The following MON1B variants were observed in gnomAD, a reference collection of about 807,000 sequenced individuals.
MON1B encodes MON1 vesicular trafficking associated B, also known as vacuolar fusion protein MON1 homolog B.
In MON1B, 26 loss-of-function variants were observed where a neutral mutation model predicts 45.1. The ratio of observed to expected loss-of-function variants is 0.58; its 90% CI spans 0.42 to 0.80. MON1B has a LOEUF of 0.80. MON1B is among the 30% of genes least tolerant of loss of function. The pLI, the probability that MON1B is intolerant of heterozygous loss-of-function variation, is 0.00. For missense variants in MON1B, 737 were observed against 754.5 expected (o/e 0.98, Z 0.27); for synonymous variants, 395 against 320.2 (o/e 1.23, Z -2.49).
rs371508450 is a variant in MON1B at position 77,195,110 on chromosome 16, G to A, written c.1251G>A (p.Pro417=). 61 of 1,599,970 alleles carry A rather than the reference G, an allele frequency of 3.8e-5. No homozygotes were observed. Among genetic ancestry groups the A allele is most frequent in the Middle Eastern group, 1.7e-4 (1 of 6,030 alleles). ...APGLRHFLYK[P]LDIPDHHRQL... ...GCCTCCGGCACTTCCTGTATAAGCCGCTGGACATCCCTGACCACCACCGCC... is the reference window on the plus strand; with the variant it reads ...GCCTCCGGCACTTCCTGTATAAGCCACTGGACATCCCTGACCACCACCGCC... Residue 417 remains proline, a synonymous_variant, in exon 4 of 6, where the codon CCG becomes CCA. Transcript: ENST00000248248.
In MON1B at chr16:77,194,780, G is replaced by C. The variant is rs937610812; in HGVS notation, c.921G>C (p.Leu307=). Residue 307 remains leucine, a synonymous_variant, in exon 4 of 6, where the codon CTG becomes CTC. Transcript: ENST00000248248. This position sits in a 1 kb window ranked among gnomAD's most constrained non-coding sequence, Gnocchi z 8.1. Reference sequence around the variant, plus strand: ...TGGACCCAGCTGACCTGCAGTTGCTGCTCGACTGGGTGGGTGCACCAGCCT... The same window carrying C: ...TGGACCCAGCTGACCTGCAGTTGCTCCTCGACTGGGTGGGTGCACCAGCCT... ...CRLDPADLQL[L]LDWVGAPAFA... 6.8e-6 allele frequency: 11 copies of C among 1,613,738 alleles called. No homozygotes were observed. The highest frequency in any genetic ancestry group is 8.5e-6 in the Non-Finnish European group (10 of 1,180,006).
chr16:77,194,634 G>C lies in MON1B; in HGVS notation c.775G>C (p.Asp259His). Residue 259 changes from aspartate (D) to histidine (H), a missense_variant, in exon 4 of 6, where the codon GAC (aspartate) becomes CAC (histidine). Physicochemically the swap from Asp to His is moderately conservative, Grantham distance 81. Transcript: ENST00000248248. The surrounding 1 kb of genome is among the most constrained non-coding windows in gnomAD (Gnocchi z 8.1). ...TGTGCCCCTTGCCCGCCCGCTGCGA[G>C]ACGCACTAGGTGCGCTCCTCCGACG... is the stretch of plus-strand genomic sequence containing the variant. ...RCVPLARPLR[D>H]ALGALLRRCT... is the part of the protein sequence containing the mutation. 2 of 1,613,820 alleles carry C rather than the reference G, an allele frequency of 1.2e-6. No homozygotes were observed. The highest frequency in any genetic ancestry group is 1.7e-6 in the Non-Finnish European group (2 of 1,179,922).
chr16:77,192,150 A>C (rs1358682235), intron 2 of MON1B, among the ~76,000 whole-genome samples: 1 of 152,178 alleles, frequency 6.6e-6, no homozygotes, highest in African/African-American at 2.4e-5. Flanking sequence ...AAAGTTGTTC[A>C]TTTGAGATTT....
In MON1B at chr16:77,199,288, C is replaced by T. The variant is rs570238995; in HGVS notation, c.*980C>T. On this transcript the variant is annotated 3_prime_UTR_variant, in exon 6 of 6. Coordinates refer to ENST00000248248, the MANE Select transcript of MON1B (RefSeq NM_014940.4). ...AGGTTGTAGCATGTGTGCTGGCAAT[C>T]AGGGCCGCAGTGTGTTCTGCGCCTG... The T allele has an allele frequency of 3.2e-5, 20 of 630,408 alleles. No homozygotes were observed. The highest frequency in any genetic ancestry group is 3.7e-5 in the African/African-American group (2 of 53,514). The allele number at this position is 630,408 out of a possible 1,614,324, so 39.1% of individuals were successfully genotyped here. A position where few individuals can be genotyped will look rare whatever the true frequency, so the allele number is the denominator to read the frequency against.
chr16:77,192,121 C>T (rs1217935311), intron 2 of MON1B, among the ~76,000 whole-genome samples: 1 of 152,016 alleles, frequency 6.6e-6, no homozygotes, highest in Non-Finnish European at 1.5e-5. Flanking sequence ...TTTAAGGGAC[C>T]AAATGTTAGT....
Position 77,191,596 on chromosome 16 carries a change from C to T in MON1B, c.111C>T (p.Val37=), listed in dbSNP as rs1426782757. The change falls in exon 2 of 6, where the codon GTC becomes GTT. Residue 37 remains valine (V), a synonymous_variant. Coordinates refer to ENST00000248248, the MANE Select transcript of MON1B (RefSeq NM_014940.4). ...EAREGGGVHA[V]PPDPEDEGLE... The stretch of plus-strand genomic sequence containing the variant: ...GAGAAGGTGGAGGGGTTCACGCGGT[C>T]CCGCCGGATCCCGAAGACGAGGGCC... 1 of 1,610,048 alleles carries T rather than the reference C, an allele frequency of 6.2e-7. No homozygotes were observed. The highest frequency in any genetic ancestry group is 1.7e-5 in the Admixed American group (1 of 58,194).
At chr16:77,195,191 A>G (rs1278801933) in intron 4 of MON1B, 37 bp downstream of exon 4, 1 of 1,482,090 alleles carries the variant, frequency 6.7e-7, no homozygotes, top group East Asian at 2.5e-5. Context: ...CTGGGTGGGA[A>G]GGCCTGTCAA....
chr16:77,191,300 C>G, intron 1 of MON1B, 42 bp downstream of exon 1: 1 of 1,538,590 alleles, frequency 6.5e-7, no homozygotes, highest in South Asian at 1.2e-5. Context: ...GTAGAGTCTC[C>G]TCTTTTCGGA....
rs2142510656 is a variant in MON1B, at chr16:77,201,724, G to A, written c.*3416G>A. ...AAGTCTAGGTTTATGTGTGCATGCTGTGGAGTGTCTCTGTGGTGGATTTCT... is the reference window on the plus strand; with the variant it reads ...AAGTCTAGGTTTATGTGTGCATGCTATGGAGTGTCTCTGTGGTGGATTTCT... On this transcript the variant is annotated 3_prime_UTR_variant, in exon 6 of 6. Transcript: ENST00000248248. 6.6e-6 allele frequency: 1 copy of A among 152,276 alleles called. No individual in the cohort carries two copies. Among genetic ancestry groups the A allele is most frequent in the East Asian group, 1.9e-4 (1 of 5,186 alleles). The allele number at this position is 152,276 out of a possible 1,614,324, so 9.4% of individuals were successfully genotyped here. A position where few individuals can be genotyped will look rare whatever the true frequency, so the allele number is the denominator to read the frequency against.
chr16:77,193,692 G>A lies in MON1B; in HGVS notation c.390G>A (p.Glu130=), dbSNP rs1167399447. 2 of 1,614,076 alleles carry A rather than the reference G, an allele frequency of 1.2e-6. No homozygotes were observed. Among genetic ancestry groups the A allele is most frequent in the Non-Finnish European group, 8.5e-7 (1 of 1,179,966 alleles). The part of the protein sequence containing the change: ...KPIYSRYGSV[E]ALSATMGVMT... ...TCTACTCGCGGTATGGTAGTGTGGAGGCGCTGTCGGCTACCATGGGTGTAA... is the reference window on the plus strand; with the variant it reads ...TCTACTCGCGGTATGGTAGTGTGGAAGCGCTGTCGGCTACCATGGGTGTAA... The change falls in exon 3 of 6, where the codon GAG becomes GAA. Residue 130 remains glutamate, a synonymous_variant. Transcript: ENST00000248248. This position sits in a 1 kb window ranked among gnomAD's most constrained non-coding sequence, Gnocchi z 5.0.
chr16:77,201,520 C>A lies in MON1B; in HGVS notation c.*3212C>A, dbSNP rs1460405450. ...TTCCTGCCTCAGGGAAGAGAGCTGA[C>A]TCAAAGTAAAGGCTTTGCTAGAGGC... is the stretch of plus-strand genomic sequence containing the variant. On this transcript the variant is annotated 3_prime_UTR_variant, in exon 6 of 6. Coordinates refer to ENST00000248248, the MANE Select transcript of MON1B (RefSeq NM_014940.4). The A allele has an allele frequency of 6.6e-6, 1 of 152,176 alleles. No homozygotes were observed. The highest frequency in any genetic ancestry group is 1.9e-4 in the East Asian group (1 of 5,186). The allele number at this position is 152,176 out of a possible 1,614,324, so 9.4% of individuals were successfully genotyped here. A position where few individuals can be genotyped will look rare whatever the true frequency, so the allele number is the denominator to read the frequency against.
At position 77,200,757 on chromosome 16, in the gene MON1B, A is replaced by G. The variant is rs1171909880; in HGVS notation, c.*2449A>G. ...GAAGACAGAGTGAGCAAAAAAAAAA[A>G]AAAAAAAAGAAAAAACAAAAAGAAA... On this transcript the variant is annotated 3_prime_UTR_variant, in exon 6 of 6. Transcript: ENST00000248248. The G allele has an allele frequency of 2.9e-5, 3 of 103,678 alleles. No individual in the cohort carries two copies. In the South Asian group the frequency reaches 9.0e-4, roughly 31 times the overall value. The allele number at this position is 103,678 out of a possible 1,614,324, so 6.4% of individuals were successfully genotyped here.
Position 77,193,798 on chromosome 16 carries a change from C to T in MON1B, c.475+21C>T, listed in dbSNP as rs779299221. 6.2e-5 allele frequency: 99 copies of T among 1,592,818 alleles called. No individual in the cohort carries two copies. The South Asian group carries it at 1.0e-3, about 17-fold the overall frequency. On this transcript the variant is annotated intron_variant, in intron 3 of 5. Transcript: ENST00000248248. The surrounding 1 kb of genome is among the most constrained non-coding windows in gnomAD (Gnocchi z 5.0). ...CGCTGGTGAGCAAACAGGTGGGAGG[C>T]AGAATGGGGGACAGTGACTGGGAAT...
Position 77,201,023 on chromosome 16 carries a change from A to C in MON1B, c.*2715A>C, listed in dbSNP as rs528227016. 6.6e-6 allele frequency: 1 copy of C among 152,198 alleles called. No homozygotes were observed. Among genetic ancestry groups the C allele is most frequent in the Non-Finnish European group, 1.5e-5 (1 of 68,032 alleles). The allele number at this position is 152,198 out of a possible 1,614,324, so 9.4% of individuals were successfully genotyped here. A position where few individuals can be genotyped will look rare whatever the true frequency, so the allele number is the denominator to read the frequency against. On this transcript the variant is annotated 3_prime_UTR_variant, in exon 6 of 6. Transcript: ENST00000248248. The stretch of plus-strand genomic sequence containing the variant: ...AGACTGCATCCTGCCAGACCTACCC[A>C]TACAGACATCAAAGTAATGATTATT...
In MON1B at chr16:77,201,784, TATTAA is replaced by T. The variant is rs1193028055; in HGVS notation, c.*3481_*3485del. The T allele has an allele frequency of 2.6e-5, 4 of 152,164 alleles. No homozygotes were observed. Among genetic ancestry groups the T allele is most frequent in the African/African-American group, 7.2e-5 (3 of 41,432 alleles). 9.4% of individuals were successfully genotyped at this position (152,164 alleles called of 1,614,324 possible). ...GCAGAAAAAAATTCTAATTTAAATGTATTAAATTATAAGTTCTAATTTAAATGTAT... is the reference window on the plus strand; with the variant it reads ...GCAGAAAAAAATTCTAATTTAAATGTATTATAAGTTCTAATTTAAATGTAT... On this transcript the variant is annotated 3_prime_UTR_variant, in exon 6 of 6. Transcript: ENST00000248248.
chr16:77,199,638 G>A lies in MON1B; in HGVS notation c.*1330G>A, dbSNP rs117687745. On this transcript the variant is annotated 3_prime_UTR_variant, in exon 6 of 6. Coordinates refer to ENST00000248248, the MANE Select transcript of MON1B (RefSeq NM_014940.4). ...TTTTAAATAAAATGTTAAGCCTTTT[G>A]TTATTGAAGAAAAACAATTTTTTAA... is the stretch of plus-strand genomic sequence containing the variant. 669 of 850,358 alleles carry A rather than the reference G, an allele frequency of 7.9e-4. No homozygotes were observed. The highest frequency in any genetic ancestry group is 7.8e-4 in the Non-Finnish European group (435 of 554,232). The allele number at this position is 850,358 out of a possible 1,614,324, so 52.7% of individuals were successfully genotyped here. A position where few individuals can be genotyped will look rare whatever the true frequency, so the allele number is the denominator to read the frequency against.
chr16:77,191,287 C>T (rs972838028), intron 1 of MON1B, 29 bp downstream of exon 1: 3 of 1,543,332 alleles, frequency 1.9e-6, no homozygotes, highest in African/African-American at 2.7e-5. Flanking sequence ...TTCCTGAGGC[C>T]CAGTAGAGTC....
rs989601357 is a variant in MON1B at position 77,199,174 on chromosome 16, C to T, written c.*866C>T. The T allele has an allele frequency of 3.6e-5, 16 of 439,888 alleles. No individual in the cohort carries two copies. Among genetic ancestry groups the T allele is most frequent in the African/African-American group, 3.2e-4 (16 of 49,354 alleles). The allele number at this position is 439,888 out of a possible 1,614,324, so 27.2% of individuals were successfully genotyped here. On this transcript the variant is annotated 3_prime_UTR_variant, in exon 6 of 6. Coordinates refer to ENST00000248248, the MANE Select transcript of MON1B (RefSeq NM_014940.4). Reference sequence around the variant, plus strand: ...AAGCAGCCTAAAGCAGGAGAGACCTCCCTAGGGTTTTGTGTGTGTGCACAC... The same window carrying T: ...AAGCAGCCTAAAGCAGGAGAGACCTTCCTAGGGTTTTGTGTGTGTGCACAC...
In MON1B at chr16:77,194,897, G is replaced by A. The variant is rs1177896609; in HGVS notation, c.1038G>A (p.Met346Ile). The change falls in exon 4 of 6, where the codon ATG becomes ATA. Residue 346 changes from methionine (M) to isoleucine (I), a missense_variant. By Grantham distance (10) the Met-to-Ile change is conservative (BLOSUM62 1). Transcript: ENST00000248248. This position sits in a 1 kb window ranked among gnomAD's most constrained non-coding sequence, Gnocchi z 8.1. ...FYAYVARLDAMPVCLLLLGTQ... is the reference protein window; with the variant it reads ...FYAYVARLDAIPVCLLLLGTQ... ...CCTACGTGGCCCGCCTGGATGCTAT[G>A]CCTGTCTGCCTGCTGCTGCTTGGCA... The A allele has an allele frequency of 2.5e-6, 4 of 1,612,962 alleles. No homozygotes were observed. The highest frequency in any genetic ancestry group is 2.7e-5 in the African/African-American group (2 of 74,938).
Sources: gnomAD v4.1 joint callset for allele counts (sites outside exome capture counted in the v4.1 genomes callset) on GRCh38, gnomAD v4.1.1 for gene constraint, Gnocchi (gnomAD v3.1) non-coding constraint, MANE v1.5 for transcripts, NCBI Gene and HGNC (gene_info 2026-07-23, HGNC 2026-07-21) for gene names.